SORCS1: variants seen among roughly 807,000 people sequenced by gnomAD.
SORCS1 encodes VPS10 domain-containing receptor SorCS1.
SORCS1 carries 60 observed loss-of-function variants against 146.1 expected under a neutral mutation model. The observed-to-expected ratio is 0.41, with a 90% confidence interval of 0.33 to 0.51. The LOEUF is 0.51. SORCS1 is among the 20% of genes least tolerant of loss of function. The pLI is 0.21. For missense variants in SORCS1, 1,352 were observed against 1,487.6 expected (o/e 0.91, Z 1.50); for synonymous variants, 637 against 584.0 (o/e 1.09, Z -1.31).
At position 106,679,651 on chromosome 10, in the gene SORCS1, T is replaced by C; in HGVS notation, c.1644A>G (p.Pro548=). ...TCTTACCTGATGCCACTATGATGCT[T>C]GGAGCTGTGTCTTTGCTGGCAATGA... ...SGIIASKDTA[P]SIIVASGNIG... Residue 548 remains proline, a synonymous_variant, in exon 11 of 26, where the codon CCA becomes CCG. Transcript: ENST00000263054. 1.9e-6 allele frequency: 3 copies of C among 1,612,302 alleles called. No homozygotes were observed. The South Asian group carries it at 3.3e-5, about 18-fold the overall frequency.
At chr10:106,926,505 G>A (rs1282288188) in intron 2 of SORCS1, among the ~76,000 whole-genome samples, 1 of 152,074 alleles carries the variant, frequency 6.6e-6, no homozygotes, top group Non-Finnish European at 1.5e-5. Context: ...TACCCTTGAA[G>A]TGCTTAGCCA....
intron 1 of SORCS1, among the ~76,000 whole-genome samples, chr10:106,957,545 C>A (rs1409847966): frequency 6.6e-6 from 1 of 152,100 alleles, no homozygotes; most frequent in Admixed American, 6.6e-5. Flanking sequence ...CTTCTGACTT[C>A]CAATTTCTAG....
In SORCS1 at chr10:107,064,782, G is replaced by A. The variant is rs186956394; in HGVS notation, c.558+99187C>T. Among the ~76,000 whole-genome samples the A allele has an allele frequency of 4.7e-3, 709 of 152,234 alleles. 3 individuals are homozygous for A. Among genetic ancestry groups the A allele is most frequent in the Non-Finnish European group, 7.1e-3 (483 of 68,010 alleles). On this transcript the variant is annotated intron_variant, in intron 1 of 25. Coordinates refer to ENST00000263054, the MANE Select transcript of SORCS1 (RefSeq NM_052918.5). The stretch of plus-strand genomic sequence containing the variant: ...TTATTATACATGCCTACTAGTCCTG[G>A]AACAGATTAGAAGAATTAACTATTT...
chr10:107,082,470 T>C (rs531596826), intron 1 of SORCS1, among the ~76,000 whole-genome samples: 4 of 152,288 alleles, frequency 2.6e-5, no homozygotes, highest in Admixed American at 6.5e-5. Context: ...CCTTTCTTTT[T>C]TTTTCTTTTC....
At chr10:107,044,243 A>G (rs17121969) in intron 1 of SORCS1, among the ~76,000 whole-genome samples, 1,624 of 152,204 alleles carry the variant, frequency 0.011, 15 homozygotes, top group South Asian at 0.029. Flanking sequence ...CCTAGTCATC[A>G]CCTCATTAAA....
intron 2 of SORCS1, among the ~76,000 whole-genome samples, chr10:106,953,514 G>A (rs1954798775): frequency 7.5e-6 from 1 of 133,150 alleles, no homozygotes; most frequent in Non-Finnish European, 1.8e-5. Flanking sequence ...GATAGGGAAG[G>A]CTGACTATAT....
intron 4 of SORCS1, among the ~76,000 whole-genome samples, chr10:106,774,285 T>C (rs1489600261): frequency 2.6e-5 from 4 of 152,206 alleles, no homozygotes; most frequent in Non-Finnish European, 5.9e-5. Context: ...TTACTACTGA[T>C]TAACGCTTGA....
intron 4 of SORCS1, among the ~76,000 whole-genome samples, chr10:106,771,386 A>T (rs1860011519): frequency 2.0e-5 from 3 of 152,200 alleles, no homozygotes; most frequent in Admixed American, 2.0e-4. Flanking sequence ...GCCAAATTGA[A>T]ATAAAGATGT....
At chr10:107,180,492 A>G in the SORCS1 span, among the ~76,000 whole-genome samples, 71 of 152,140 alleles carry the variant, frequency 4.7e-4, no homozygotes, top group East Asian at 8.9e-3. Flanking sequence ...TTTATTTCTG[A>G]TTCTGATAAC....
intron 2 of SORCS1, among the ~76,000 whole-genome samples, chr10:106,917,975 C>T (rs1952525072): frequency 1.3e-5 from 2 of 152,160 alleles, no homozygotes; most frequent in Admixed American, 6.5e-5. Flanking sequence ...TCATTTTGAA[C>T]ATCCTTGGAA....
In SORCS1 at chr10:107,060,856, T is replaced by TA. The variant is rs1961142718; in HGVS notation, c.558+103112_558+103113insT. Among the ~76,000 whole-genome samples the TA allele has an allele frequency of 1.9e-4, 29 of 152,206 alleles. No individual in the cohort carries two copies. Among genetic ancestry groups the TA allele is most frequent in the Admixed American group, 1.9e-3 (29 of 15,278 alleles). ...AAAATCATATTTTAGTTAATTTTATTGAATCACAAGCCTCTAAACTAATGT... is the reference window on the plus strand; with the variant it reads ...AAAATCATATTTTAGTTAATTTTATTAGAATCACAAGCCTCTAAACTAATGT... On this transcript the variant is annotated intron_variant, in intron 1 of 25. Coordinates refer to ENST00000263054, the MANE Select transcript of SORCS1 (RefSeq NM_052918.5). This position sits in a 1 kb window ranked among gnomAD's most constrained non-coding sequence, Gnocchi z 4.1.
intron 1 of SORCS1, among the ~76,000 whole-genome samples, chr10:107,156,807 G>A (rs190133054): frequency 1.3e-5 from 2 of 152,244 alleles, no homozygotes; most frequent in Admixed American, 1.3e-4. Flanking sequence ...ATCAAAGAGA[G>A]GAAGAGATGG....
At position 106,850,698 on chromosome 10, in the gene SORCS1, T is replaced by C. The variant is rs565119886; in HGVS notation, c.627-21025A>G. Among the ~76,000 whole-genome samples, 7 of 152,314 alleles carry C rather than the reference T, an allele frequency of 4.6e-5. No homozygotes were observed. In the South Asian group the frequency reaches 1.5e-3, roughly 32 times the overall value. On this transcript the variant is annotated intron_variant, in intron 2 of 25. Coordinates refer to ENST00000263054, the MANE Select transcript of SORCS1 (RefSeq NM_052918.5). ...GTAAGGTCTCCTTTACAAATGTGTA[T>C]GTATCTCAAGCTCACAATATTCCTC...
chr10:107,052,995 A>G (rs1960266808), intron 1 of SORCS1, among the ~76,000 whole-genome samples: 1 of 152,202 alleles, frequency 6.6e-6, no homozygotes, highest in South Asian at 2.1e-4. Context: ...TGTAATCCAC[A>G]CAAATCAAAT....
intron 4 of SORCS1, among the ~76,000 whole-genome samples, chr10:106,770,232 C>T (rs879638870): frequency 1.3e-5 from 2 of 152,232 alleles, no homozygotes; most frequent in African/African-American, 4.8e-5. Flanking sequence ...AACATACAGG[C>T]CTTAGGATTT....
At chr10:107,099,920 T>C (rs941210331) in intron 1 of SORCS1, among the ~76,000 whole-genome samples, 2 of 152,204 alleles carry the variant, frequency 1.3e-5, no homozygotes, top group Admixed American at 6.5e-5. Flanking sequence ...TAATATAACA[T>C]GCAGTTTCAA....
At chr10:106,816,029 T>C (rs1283472402) in intron 3 of SORCS1, among the ~76,000 whole-genome samples, 1 of 152,212 alleles carries the variant, frequency 6.6e-6, no homozygotes, top group African/African-American at 2.4e-5. Flanking sequence ...CAGAATTCTT[T>C]TTGGGCCACT....
In SORCS1 at chr10:106,783,995, AC is replaced by A. The variant is rs1375079707; in HGVS notation, c.727-7304del. ...TGCTTAACTGTCATTTAAAAAAAAA[AC>A]AGACTCATTTTACTGGAGAAATTGC... On this transcript the variant is annotated intron_variant, in intron 3 of 25. Transcript: ENST00000263054. Among the ~76,000 whole-genome samples, 4 of 152,184 alleles carry A rather than the reference AC, an allele frequency of 2.6e-5. No individual in the cohort carries two copies. The South Asian group carries it at 6.2e-4, about 24-fold the overall frequency.
At chr10:107,043,577 G>A (rs747942980) in intron 1 of SORCS1, among the ~76,000 whole-genome samples, 3 of 151,928 alleles carry the variant, frequency 2.0e-5, no homozygotes, top group Non-Finnish European at 4.4e-5. Flanking sequence ...ATTCTGGTGC[G>A]CTCCTTCCCT....
Sources: gnomAD v4.1 joint callset for allele counts (sites outside exome capture counted in the v4.1 genomes callset) on GRCh38, gnomAD v4.1.1 for gene constraint, Gnocchi (gnomAD v3.1) non-coding constraint, MANE v1.5 for transcripts, NCBI Gene and HGNC (gene_info 2026-07-23, HGNC 2026-07-21) for gene names.